ANKRD61: variants seen among roughly 807,000 people sequenced by gnomAD.
ANKRD61 encodes ankyrin repeat domain 61, also known as ankyrin repeat domain-containing protein 61.
Under a neutral mutation model 8.4 loss-of-function variants are expected in ANKRD61, and 7 were observed. The ratio of observed to expected loss-of-function variants is 0.84; its 90% CI spans 0.48 to 1.57. The LOEUF (loss-of-function observed/expected upper bound fraction) is 1.57, where lower values mean the gene tolerates loss of function less well. ANKRD61 is among the 40% of genes most tolerant of loss of function. The pLI is 0.00. For missense variants in ANKRD61, 516 were observed against 523.4 expected (o/e 0.99, Z 0.14); for synonymous variants, 198 against 208.0 (o/e 0.95, Z 0.41).
At position 6,035,789 on chromosome 7, in the gene ANKRD61, C is replaced by T; in HGVS notation, c.660C>T (p.Leu220=). ...TGAATAAGGAGATGATGGAAACGCT[C>T]ATTGCCTATGGAGCAAACGTCAACT... ...NMLNKEMMET[L]IAYGANVNCA... The change falls in exon 3 of 3, where the codon CTC becomes CTT. Residue 220 remains leucine (L), a synonymous_variant. Coordinates refer to ENST00000409061, the MANE Select transcript of ANKRD61 (RefSeq NM_001271700.2). The surrounding 1 kb of genome is among the most constrained non-coding windows in gnomAD (Gnocchi z 5.5). The T allele has an allele frequency of 6.4e-7, 1 of 1,551,084 alleles. No homozygotes were observed. Among genetic ancestry groups the T allele is most frequent in the Non-Finnish European group, 8.7e-7 (1 of 1,147,078 alleles).
In ANKRD61 at chr7:6,035,558, T is replaced by G. The variant is rs1320753372; in HGVS notation, c.429T>G (p.Asn143Lys). The change falls in exon 3 of 3, where the codon AAT (asparagine) becomes AAG (lysine). Residue 143 changes from asparagine to lysine, a missense_variant. By Grantham distance (94) the Asn-to-Lys change is moderately conservative. Transcript: ENST00000409061. The surrounding 1 kb of genome is among the most constrained non-coding windows in gnomAD (Gnocchi z 5.5). ...ACAGGATCCTGACAGACATTCAGAATAGCAGCATCACATGTCTCCGCATCT... is the reference window on the plus strand; with the variant it reads ...ACAGGATCCTGACAGACATTCAGAAGAGCAGCATCACATGTCTCCGCATCT... ...RTHRILTDIQ[N>K]SSITCLRILC... 4 of 1,551,034 alleles carry G rather than the reference T, an allele frequency of 2.6e-6. No homozygotes were observed. Among genetic ancestry groups the G allele is most frequent in the East Asian group, 2.4e-5 (1 of 40,938 alleles).
rs1204034720 is a variant in ANKRD61, at chr7:6,036,325, T to G, written c.1196T>G (p.Phe399Cys). 1.3e-6 allele frequency: 2 copies of G among 1,541,910 alleles called. No individual in the cohort carries two copies. The highest frequency in any genetic ancestry group is 4.9e-5 in the East Asian group (2 of 40,870). The change falls in exon 3 of 3, where the codon TTC becomes TGC. Residue 399 changes from phenylalanine (F) to cysteine (C), a missense_variant. Transcript: ENST00000409061. This position sits in a 1 kb window ranked among gnomAD's most constrained non-coding sequence, Gnocchi z 4.6. Reference sequence around the variant, plus strand: ...AAATACAAACAGCACTTGAAGCAATTCCTCCCAGTGACAATATGGAATTCT... The same window carrying G: ...AAATACAAACAGCACTTGAAGCAATGCCTCCCAGTGACAATATGGAATTCT... The part of the protein sequence containing the change: ...GEKYKQHLKQ[F>C]LPVTIWNSVY...
Position 6,036,135 on chromosome 7 carries a change from T to G in ANKRD61, c.1006T>G (p.Tyr336Asp), listed in dbSNP as rs1358389848. The G allele has an allele frequency of 1.3e-6, 2 of 1,550,644 alleles. No individual in the cohort carries two copies. Among genetic ancestry groups the G allele is most frequent in the Non-Finnish European group, 1.7e-6 (2 of 1,146,994 alleles). Residue 336 changes from tyrosine (Y) to aspartate (D), a missense_variant, in exon 3 of 3, where the codon TAT becomes GAT. Transcript: ENST00000409061. This position sits in a 1 kb window ranked among gnomAD's most constrained non-coding sequence, Gnocchi z 4.6. Reference protein sequence around the residue: ...RDTALLARLLYHTYPLRMTNN... With the variant: ...RDTALLARLLDHTYPLRMTNN... ...TACGGCACTTCTGGCCAGGCTACTT[T>G]ATCACACTTATCCTCTGAGAATGAC... is the stretch of plus-strand genomic sequence containing the variant.
rs140173098 is a variant in ANKRD61, at chr7:6,032,824, G to C, written c.217-15G>C. The C allele has an allele frequency of 1.6e-4, 245 of 1,546,932 alleles. No individual in the cohort carries two copies. Among genetic ancestry groups the C allele is most frequent in the Admixed American group, 4.7e-4 (24 of 50,954 alleles). On this transcript the variant is annotated splice_polypyrimidine_tract_variant and intron_variant, in intron 1 of 2. Transcript: ENST00000409061. The surrounding 1 kb of genome is among the most constrained non-coding windows in gnomAD (Gnocchi z 4.3). ...CACAGGGCCACTTGTAATGTGTTTTGTTTTCCCTCCAAAGCCGACAGAGTC... is the reference window on the plus strand; with the variant it reads ...CACAGGGCCACTTGTAATGTGTTTTCTTTTCCCTCCAAAGCCGACAGAGTC...
rs1788045090 is a variant in ANKRD61 at position 6,035,300 on chromosome 7, C to A, written c.315-144C>A. 1.2e-6 allele frequency: 1 copy of A among 833,450 alleles called. No individual in the cohort carries two copies. The highest frequency in any genetic ancestry group is 1.7e-5 in the African/African-American group (1 of 58,260). 51.6% of individuals were successfully genotyped at this position (833,450 alleles called of 1,614,324 possible). A position where few individuals can be genotyped will look rare whatever the true frequency, so the allele number is the denominator to read the frequency against. On this transcript the variant is annotated intron_variant, in intron 2 of 2. Transcript: ENST00000409061. This position sits in a 1 kb window ranked among gnomAD's most constrained non-coding sequence, Gnocchi z 5.5. The stretch of plus-strand genomic sequence containing the variant: ...CCCTGGGATAGCCTGAGAAACTACC[C>A]AGCGATACAGATTTTGAAACACGTC...
At chr7:6,031,738 C>A in intron 1 of ANKRD61, 147 bp downstream of exon 1, 1 of 781,252 alleles carries the variant, frequency 1.3e-6, no homozygotes, top group Non-Finnish European at 2.0e-6. Flanking sequence ...CTGCAGTGCT[C>A]CCCAAAGCCT....
intron 2 of ANKRD61, among the ~76,000 whole-genome samples, chr7:6,034,229 C>T (rs572525611): frequency 1.6e-4 from 25 of 152,086 alleles, no homozygotes; most frequent in Middle Eastern, 3.4e-3. Context: ...ATCGCTTGAA[C>T]CCGTGAGGCA....
In ANKRD61 at chr7:6,031,603, T is replaced by A; in HGVS notation, c.216+12T>A. ...TACTTCTGACCCAGGTACCCTCTTT[T>A]CTGCTCAGTCACTTCTGGAAAAAAG... On this transcript the variant is annotated intron_variant, in intron 1 of 2. Transcript: ENST00000409061. The A allele has an allele frequency of 1.4e-5, 21 of 1,550,262 alleles. No homozygotes were observed. The highest frequency in any genetic ancestry group is 1.8e-5 in the Non-Finnish European group (21 of 1,146,566).
Position 6,035,604 on chromosome 7 carries a change from G to A in ANKRD61, c.475G>A (p.Val159Met), listed in dbSNP as rs1446208214. ...CATCTTGTGTGCGCACGGAGCTCAA[G>A]TGAACACTCAAGGGGAAATCAGCAA... ...LRILCAHGAQ[V>M]NTQGEISNKR... Residue 159 changes from valine to methionine, a missense_variant, in exon 3 of 3, where the codon GTG becomes ATG. By Grantham distance (21) the Val-to-Met change is conservative. Coordinates refer to ENST00000409061, the MANE Select transcript of ANKRD61 (RefSeq NM_001271700.2). This position sits in a 1 kb window ranked among gnomAD's most constrained non-coding sequence, Gnocchi z 5.5. The A allele has an allele frequency of 6.4e-7, 1 of 1,550,890 alleles. No individual in the cohort carries two copies. The highest frequency in any genetic ancestry group is 1.4e-5 in the African/African-American group (1 of 73,020).
rs1358478269 is a variant in ANKRD61, at chr7:6,035,128, G to T, written c.315-316G>T. Among the ~76,000 whole-genome samples, 2 of 151,988 alleles carry T rather than the reference G, an allele frequency of 1.3e-5. No homozygotes were observed. Among genetic ancestry groups the T allele is most frequent in the African/African-American group, 2.4e-5 (1 of 41,346 alleles). Reference sequence around the variant, plus strand: ...CACAGCCCTAGCGGGGACGGCACAGGTAAAACAGGCTGCTCCAAGAAGCTG... The same window carrying T: ...CACAGCCCTAGCGGGGACGGCACAGTTAAAACAGGCTGCTCCAAGAAGCTG... On this transcript the variant is annotated intron_variant, in intron 2 of 2. Transcript: ENST00000409061. The surrounding 1 kb of genome is among the most constrained non-coding windows in gnomAD (Gnocchi z 5.5).
In ANKRD61 at chr7:6,032,878, T is replaced by C. The variant is rs994988903; in HGVS notation, c.256T>C (p.Tyr86His). 4 of 1,550,940 alleles carry C rather than the reference T, an allele frequency of 2.6e-6. No individual in the cohort carries two copies. The African/African-American group carries it at 5.5e-5, about 21-fold the overall frequency. Residue 86 changes from tyrosine to histidine, a missense_variant, in exon 2 of 3, where the codon TAC becomes CAC. Transcript: ENST00000409061. The surrounding 1 kb of genome is among the most constrained non-coding windows in gnomAD (Gnocchi z 4.3). ...SIIPIHLAAK[Y>H]HKAQSLLCLL... ...CATCCCCATCCATCTGGCTGCCAAGTACCACAAGGCCCAGAGTCTGCTCTG... is the reference window on the plus strand; with the variant it reads ...CATCCCCATCCATCTGGCTGCCAAGCACCACAAGGCCCAGAGTCTGCTCTG...
rs1394715419 is a variant in ANKRD61, at chr7:6,035,889, C to A, written c.760C>A (p.Leu254Ile). 2 of 1,546,760 alleles carry A rather than the reference C, an allele frequency of 1.3e-6. No individual in the cohort carries two copies. The highest frequency in any genetic ancestry group is 1.7e-6 in the Non-Finnish European group (2 of 1,144,556). ...TGCATCAAGCAAAGCAGGCCGACTCCTCGGGGCGGGGGTCAGCTGCATCCG... is the reference window on the plus strand; with the variant it reads ...TGCATCAAGCAAAGCAGGCCGACTCATCGGGGCGGGGGTCAGCTGCATCCG... The part of the protein sequence containing the change: ...CTASSKAGRL[L>I]GAGVSCIRLL... The change falls in exon 3 of 3, where the codon CTC becomes ATC. Residue 254 changes from leucine to isoleucine, a missense_variant. Transcript: ENST00000409061. The surrounding 1 kb of genome is among the most constrained non-coding windows in gnomAD (Gnocchi z 5.5).
At position 6,035,493 on chromosome 7, in the gene ANKRD61, G is replaced by C. The variant is rs1302708710; in HGVS notation, c.364G>C (p.Val122Leu). Reference protein sequence around the residue: ...TLNLMLLHWPVTSTTWAKPGN... With the variant: ...TLNLMLLHWPLTSTTWAKPGN... ...CAACTTAATGCTACTGCACTGGCCA[G>C]TCACTTCCACCACGTGGGCAAAACC... Residue 122 changes from valine (V) to leucine (L), a missense_variant, in exon 3 of 3, where the codon GTC becomes CTC. Physicochemically the swap from Val to Leu is conservative, Grantham distance 32 (BLOSUM62 1). Transcript: ENST00000409061. This position sits in a 1 kb window ranked among gnomAD's most constrained non-coding sequence, Gnocchi z 5.5. The C allele has an allele frequency of 5.8e-6, 9 of 1,551,072 alleles. No homozygotes were observed. The highest frequency in any genetic ancestry group is 7.8e-6 in the Non-Finnish European group (9 of 1,147,110).
At chr7:6,031,957 T>C (rs1447243117) in intron 1 of ANKRD61, among the ~76,000 whole-genome samples, 1 of 152,194 alleles carries the variant, frequency 6.6e-6, no homozygotes, top group African/African-American at 2.4e-5. Flanking sequence ...GTGGATCACC[T>C]GAGGTCAGGA....
At chr7:6,034,463 C>T (rs1051358067) in intron 2 of ANKRD61, among the ~76,000 whole-genome samples, 40 of 152,082 alleles carry the variant, frequency 2.6e-4, no homozygotes, top group African/African-American at 9.2e-4. Context: ...ATCACAGACT[C>T]GCCCCATTCT....
rs1359597549 is a variant in ANKRD61 at position 6,033,758 on chromosome 7, A to G, written c.314+822A>G. Among the ~76,000 whole-genome samples, 1 of 151,692 alleles carries G rather than the reference A, an allele frequency of 6.6e-6. No individual in the cohort carries two copies. The highest frequency in any genetic ancestry group is 2.4e-5 in the African/African-American group (1 of 41,272). On this transcript the variant is annotated intron_variant, in intron 2 of 2. Transcript: ENST00000409061. The surrounding 1 kb of genome is among the most constrained non-coding windows in gnomAD (Gnocchi z 4.4). ...CTAATTTTTTGTATTTTTAGTAGAGATGGGGTTTCACCATGTTAGCCAGGA... is the reference window on the plus strand; with the variant it reads ...CTAATTTTTTGTATTTTTAGTAGAGGTGGGGTTTCACCATGTTAGCCAGGA...
chr7:6,035,992 G>C lies in ANKRD61; in HGVS notation c.863G>C (p.Gly288Ala), dbSNP rs1384992247. ...ACAGCCATCCATGAGGCATGCTTTG[G>C]AGGCAGAGAGGCAATCATCAATCTC... is the stretch of plus-strand genomic sequence containing the variant. ...GQTAIHEACF[G>A]GREAIINLLL... is the part of the protein sequence containing the mutation. Residue 288 changes from glycine (G) to alanine (A), a missense_variant, in exon 3 of 3, where the codon GGA (glycine) becomes GCA (alanine). Gly to Ala is a moderately conservative substitution (Grantham distance 60). Transcript: ENST00000409061. The surrounding 1 kb of genome is among the most constrained non-coding windows in gnomAD (Gnocchi z 5.5). The C allele has an allele frequency of 6.4e-7, 1 of 1,550,996 alleles. No individual in the cohort carries two copies. The highest frequency in any genetic ancestry group is 1.2e-5 in the South Asian group (1 of 84,050).
In ANKRD61 at chr7:6,033,791, A is replaced by G. The variant is rs6959042; in HGVS notation, c.314+855A>G. Among the ~76,000 whole-genome samples the G allele has an allele frequency of 0.68, 103,262 of 151,222 alleles. 35,560 individuals are homozygous for G. Among genetic ancestry groups the G allele is most frequent in the East Asian group, 0.85 (4,240 of 4,976 alleles). Reference sequence around the variant, plus strand: ...TCACCATGTTAGCCAGGATAGTCTCAATCTCCTGACCTCGTGATCCGTCCA... The same window carrying G: ...TCACCATGTTAGCCAGGATAGTCTCGATCTCCTGACCTCGTGATCCGTCCA... On this transcript the variant is annotated intron_variant, in intron 2 of 2. Coordinates refer to ENST00000409061, the MANE Select transcript of ANKRD61 (RefSeq NM_001271700.2). The surrounding 1 kb of genome is among the most constrained non-coding windows in gnomAD (Gnocchi z 4.4).
In ANKRD61 at chr7:6,032,928, A is replaced by G. The variant is rs1787959018; in HGVS notation, c.306A>G (p.Pro102=). 2 of 1,550,134 alleles carry G rather than the reference A, an allele frequency of 1.3e-6. No individual in the cohort carries two copies. Among genetic ancestry groups the G allele is most frequent in the South Asian group, 2.4e-5 (2 of 83,918 alleles). Residue 102 remains proline (P), a synonymous_variant, in exon 2 of 3, where the codon CCA becomes CCG. Transcript: ENST00000409061. The surrounding 1 kb of genome is among the most constrained non-coding windows in gnomAD (Gnocchi z 4.3). The part of the protein sequence containing the change: ...LLCLLRHGAD[P]EVRDTTGLTT... ...GCCTGTTACGGCACGGTGCTGACCCAGAAGTCAGGTAAGTTAACTCCACCG... is the reference window on the plus strand; with the variant it reads ...GCCTGTTACGGCACGGTGCTGACCCGGAAGTCAGGTAAGTTAACTCCACCG...
Sources: gnomAD v4.1 joint callset for allele counts (sites outside exome capture counted in the v4.1 genomes callset) on GRCh38, gnomAD v4.1.1 for gene constraint, Gnocchi (gnomAD v3.1) non-coding constraint, MANE v1.5 for transcripts, NCBI Gene and HGNC (gene_info 2026-07-23, HGNC 2026-07-21) for gene names.